AK7: variants seen among roughly 807,000 people sequenced by gnomAD.
The protein encoded by AK7 is adenylate kinase 7, also known as ATP-AMP transphosphorylase 7.
AK7 carries 78 observed loss-of-function variants against 96.6 expected under a neutral mutation model. The observed-to-expected ratio is 0.81, with a 90% CI of 0.67 to 0.97. The LOEUF is 0.97. AK7 is among the 50% of genes least tolerant of loss of function. The pLI is 0.00. For synonymous variants in AK7, 302 were observed against 317.2 expected, an observed-to-expected ratio of 0.95 and a Z score of 0.51; for missense variants, 855 against 887.9, an observed-to-expected ratio of 0.96 and a Z score of 0.47.
In AK7 at chr14:96,444,684, G is replaced by A. The variant is rs191118764; in HGVS notation, c.780-1833G>A. Reference sequence around the variant, plus strand: ...TCCTTATGGCAAAAAGTAGCCTAAAGTAACCTGGTACTAACCTATCGGTTA... The same window carrying A: ...TCCTTATGGCAAAAAGTAGCCTAAAATAACCTGGTACTAACCTATCGGTTA... On this transcript the variant is annotated intron_variant, in intron 7 of 17. Coordinates refer to ENST00000267584, the MANE Select transcript of AK7 (RefSeq NM_152327.5). 7.9e-5 allele frequency among the ~76,000 whole-genome samples: 12 copies of A among 151,772 alleles called. No homozygotes were observed. In the East Asian group the frequency reaches 2.3e-3, roughly 29 times the overall value.
chr14:96,470,760 CA>C (rs1894839329), intron 12 of AK7, among the ~76,000 whole-genome samples: 1 of 152,150 alleles, frequency 6.6e-6, no homozygotes, highest in Non-Finnish European at 1.5e-5. Flanking sequence ...TATGTGCTGG[CA>C]ACAAACATGA....
At chr14:96,467,727 G>A (rs180688507) in intron 12 of AK7, among the ~76,000 whole-genome samples, 2 of 152,306 alleles carry the variant, frequency 1.3e-5, no homozygotes, top group Admixed American at 6.5e-5. Context: ...CTGCCTGGAT[G>A]AGAATGTAGA....
chr14:96,423,106 C>T (rs1194702934), intron 5 of AK7, among the ~76,000 whole-genome samples: 2 of 152,136 alleles, frequency 1.3e-5, no homozygotes, highest in African/African-American at 2.4e-5. Context: ...AGGGCCATGC[C>T]CCAACAACAG....
At chr14:96,416,622 G>A (rs1320879694) in intron 4 of AK7, among the ~76,000 whole-genome samples, 1 of 152,180 alleles carries the variant, frequency 6.6e-6, no homozygotes, top group African/African-American at 2.4e-5. Context: ...GATCACGGCT[G>A]TAACCCCTGC....
chr14:96,456,660 C>A, intron 11 of AK7, 185 bp downstream of exon 11: 2 of 573,718 alleles, frequency 3.5e-6, no homozygotes, highest in Non-Finnish European at 2.9e-6. Flanking sequence ...CCCCCTCAGG[C>A]CTGAGAAGAG....
intron 10 of AK7, 123 bp from the exon 11 acceptor site, chr14:96,456,224 G>A (rs1457574516): frequency 2.7e-5 from 29 of 1,068,366 alleles, no homozygotes; most frequent in Non-Finnish European, 3.6e-5. Flanking sequence ...GCAACAGAGT[G>A]AGAGACTCTG....
intron 3 of AK7, chr14:96,405,072 A>C (rs541783807): frequency 1.2e-4 from 37 of 297,064 alleles, no homozygotes; most frequent in African/African-American, 7.6e-4. Context: ...GAAGGCCGGC[A>C]CACTGACTCA....
intron 15 of AK7, among the ~76,000 whole-genome samples, chr14:96,481,933 G>T (rs1264630784): frequency 6.6e-6 from 1 of 151,912 alleles, no homozygotes; most frequent in Admixed American, 6.6e-5. Context: ...TTGAACTCCT[G>T]ACCTCAACCT....
At chr14:96,478,310 A>T (rs1001316706) in intron 14 of AK7, among the ~76,000 whole-genome samples, 155 bp from the exon 15 acceptor site, 3 of 152,098 alleles carry the variant, frequency 2.0e-5, no homozygotes, top group African/African-American at 7.2e-5. Flanking sequence ...ATTTTCATCT[A>T]TTTATCCTCC....
chr14:96,427,499 A>C (rs558317212), intron 5 of AK7, among the ~76,000 whole-genome samples: 1 of 152,374 alleles, frequency 6.6e-6, no homozygotes, highest in Non-Finnish European at 1.5e-5. Flanking sequence ...ATATGGCTCC[A>C]TGAGCCAATC....
chr14:96,434,434 C>G (rs867587460), intron 5 of AK7, among the ~76,000 whole-genome samples: 151 of 130,762 alleles, frequency 1.2e-3, no homozygotes, highest in Admixed American at 6.3e-4. Flanking sequence ...CTCTCTCTCT[C>G]TCTCTCTCTC....
rs201989624 is a variant in AK7, at chr14:96,478,535, C to T, written c.1626C>T (p.Ile542=). The T allele has an allele frequency of 4.1e-5, 66 of 1,614,120 alleles. No homozygotes were observed. The highest frequency in any genetic ancestry group is 1.6e-4 in the Middle Eastern group (1 of 6,062). ...GTGTGATAAACCTTCCTGAGAGCAT[C>T]GTGGCGGGGACCCACTACAGCCAAG... The part of the protein sequence containing the change: ...KERVINLPES[I]VAGTHYSQDR... Residue 542 remains isoleucine, a synonymous_variant, in exon 15 of 18, where the codon ATC becomes ATT. Coordinates refer to ENST00000267584, the MANE Select transcript of AK7 (RefSeq NM_152327.5).
intron 15 of AK7, among the ~76,000 whole-genome samples, chr14:96,481,949 G>T (rs1287724999): frequency 6.6e-6 from 1 of 152,034 alleles, no homozygotes; most frequent in Non-Finnish European, 1.5e-5. Flanking sequence ...AACCTACTCG[G>T]CCTCCCAAAG....
chr14:96,434,904 T>G (rs931426043), intron 5 of AK7, among the ~76,000 whole-genome samples: 6 of 152,182 alleles, frequency 3.9e-5, no homozygotes, highest in Non-Finnish European at 8.8e-5. Context: ...AGACTAGTGC[T>G]GATGTTCCCT....
rs865827797 is a variant in AK7 at position 96,408,815 on chromosome 14, C to G, written c.404-32C>G. ...TTTAGAAACCAAGTTGTGCATGGGT[C>G]CAAATAACCACTCTGCTTTTTGGCC... On this transcript the variant is annotated intron_variant, in intron 3 of 17. Transcript: ENST00000267584. The G allele has an allele frequency of 3.1e-6, 5 of 1,608,880 alleles. No individual in the cohort carries two copies. The East Asian group carries it at 1.1e-4, about 36-fold the overall frequency.
intron 4 of AK7, among the ~76,000 whole-genome samples, chr14:96,417,966 C>T: frequency 6.6e-6 from 1 of 152,054 alleles, no homozygotes; most frequent in South Asian, 2.1e-4. Context: ...TGATATATTA[C>T]AATATGTATC....
intron 4 of AK7, among the ~76,000 whole-genome samples, chr14:96,410,105 A>G (rs1448386629): frequency 6.6e-6 from 1 of 152,224 alleles, no homozygotes; most frequent in Non-Finnish European, 1.5e-5. Flanking sequence ...TTAGGGATTC[A>G]TCACACTTAT....
At chr14:96,392,324 C>T in intron 1 of AK7, 65 bp downstream of exon 1, 1 of 1,459,356 alleles carries the variant, frequency 6.9e-7, no homozygotes, top group South Asian at 1.2e-5. Flanking sequence ...GGCCCCCGGT[C>T]CGCAAACCCA....
intron 12 of AK7, among the ~76,000 whole-genome samples, chr14:96,467,501 A>T (rs1032160104): frequency 2.0e-5 from 3 of 151,914 alleles, no homozygotes; most frequent in African/African-American, 7.3e-5. Context: ...ACACCCGGCT[A>T]ATTTTTTTGT....
Sources: allele counts gnomAD v4.1 joint callset (sites outside exome capture counted in the v4.1 genomes callset), GRCh38; gene constraint gnomAD v4.1.1; transcripts MANE v1.5; gene names NCBI Gene and HGNC (gene_info 2026-07-23, HGNC 2026-07-21).